Variants in FBXO9 observed in about 807,000 individuals in gnomAD.
The protein encoded by FBXO9 is F-box only protein 9.
Under a neutral mutation model 63.7 loss-of-function variants are expected in FBXO9, and 43 were observed. That is an observed-to-expected ratio of 0.67 (90% CI 0.53 to 0.87). The LOEUF (loss-of-function observed/expected upper bound fraction) is 0.87, where lower values mean the gene tolerates loss of function less well. Ranked by LOEUF, FBXO9 falls within the 40% of genes least tolerant of loss-of-function variation. FBXO9 has a pLI of 0.00. For synonymous variants in FBXO9, 156 were observed against 171.7 expected (o/e 0.91, Z 0.72); for missense variants, 442 against 533.2 (o/e 0.83, Z 1.68).
chr6:53,073,999 A>C (rs911563332), intron 3 of FBXO9, among the ~76,000 whole-genome samples: 1 of 152,190 alleles, frequency 6.6e-6, no homozygotes. Flanking sequence ...TATTAATAGA[A>C]CCAAAAAGAT....
At chr6:53,066,114 C>G in intron 1 of FBXO9, 1 of 1,159,238 alleles carries the variant, frequency 8.6e-7, no homozygotes, top group East Asian at 4.1e-5. Context: ...TCGGTCCTCT[C>G]AAGGGATTTT....
intron 1 of FBXO9, among the ~76,000 whole-genome samples, chr6:53,067,315 TG>T (rs1768741623): frequency 2.0e-5 from 3 of 152,222 alleles, no homozygotes; most frequent in Non-Finnish European, 4.4e-5. Context: ...TTTGACCTTA[TG>T]GTTACAGAGG....
chr6:53,081,202 C>T (rs1395382423), intron 6 of FBXO9, 104 bp downstream of exon 6: 1 of 1,070,854 alleles, frequency 9.3e-7, no homozygotes, highest in African/African-American at 1.6e-5. Flanking sequence ...TGCTTTAGTT[C>T]AGAATATGGT....
intron 4 of FBXO9, among the ~76,000 whole-genome samples, chr6:53,077,507 T>TGTG (rs1769161219): frequency 1.4e-5 from 2 of 144,712 alleles, no homozygotes; most frequent in Admixed American, 1.4e-4. Flanking sequence ...AAAAGAAATA[T>TGTG]GTGGTAATAT....
intron 7 of FBXO9, among the ~76,000 whole-genome samples, chr6:53,088,117 T>C (rs1762946210): frequency 1.3e-5 from 2 of 152,222 alleles, no homozygotes; most frequent in Non-Finnish European, 2.9e-5. Flanking sequence ...CTTGTAACTT[T>C]CTTCACATCT....
chr6:53,069,905 T>A (rs1255315942), intron 1 of FBXO9, among the ~76,000 whole-genome samples: 1 of 152,082 alleles, frequency 6.6e-6, no homozygotes, highest in Non-Finnish European at 1.5e-5. Context: ...TCTCTTTAAG[T>A]GTTTTTCTCA....
intron 10 of FBXO9, 101 bp from the exon 11 acceptor site, chr6:53,093,784 C>G (rs1420600614): frequency 3.0e-6 from 3 of 1,000,122 alleles, no homozygotes; most frequent in East Asian, 5.3e-5. Context: ...CTAGCTGATT[C>G]TTTTCAAGCA....
At chr6:53,095,950 T>C (rs1763197829) in intron 12 of FBXO9, among the ~76,000 whole-genome samples, 1 of 152,234 alleles carries the variant, frequency 6.6e-6, no homozygotes, top group Non-Finnish European at 1.5e-5. Context: ...GGAAGAATGG[T>C]ACTTAGTCAG....
Position 53,097,926 on chromosome 6 carries a change from GTATATATATATATATATATATATATATA to G in FBXO9, c.*118_*145del, listed in dbSNP as rs57607929. On this transcript the variant is annotated 3_prime_UTR_variant, in exon 13 of 13. Transcript: ENST00000323557. ...TAAATGTGTGTGTGTGCGTGTGTGT[GTATATATATATATATATATATATATATA>G]TATATATATATATATATATATGGAA... is the stretch of plus-strand genomic sequence containing the variant. 114 of 88,484 alleles carry G rather than the reference GTATATATATATATATATATATATATATA, an allele frequency of 1.3e-3. 22 individuals are homozygous for G. The highest frequency in any genetic ancestry group is 8.6e-3 in the South Asian group (25 of 2,910). The allele number at this position is 88,484 out of a possible 1,614,324, so 5.5% of individuals were successfully genotyped here. A position where few individuals can be genotyped will look rare whatever the true frequency, so the allele number is the denominator to read the frequency against.
intron 7 of FBXO9, among the ~76,000 whole-genome samples, chr6:53,085,010 G>A (rs150786851): frequency 3.0e-4 from 46 of 152,124 alleles, no homozygotes; most frequent in Non-Finnish European, 6.0e-4. Flanking sequence ...CAAAGCCTTG[G>A]TAATATAACT....
At chr6:53,076,798 TTA>T (rs201016328) in intron 4 of FBXO9, among the ~76,000 whole-genome samples, 727 of 69,104 alleles carry the variant, frequency 0.011, 6 homozygotes, top group South Asian at 0.049. Context: ...TATTTTTTTT[TTA>T]AATTTGTATT....
chr6:53,083,796 C>G (rs975327190), intron 7 of FBXO9, among the ~76,000 whole-genome samples: 1 of 152,188 alleles, frequency 6.6e-6, no homozygotes, highest in Non-Finnish European at 1.5e-5. Context: ...TTTATTTTAA[C>G]AACTTTCACA....
intron 2 of FBXO9, 64 bp downstream of exon 2, chr6:53,071,207 A>G (rs1167374736): frequency 3.1e-5 from 45 of 1,437,880 alleles, no homozygotes; most frequent in Non-Finnish European, 4.3e-5. Context: ...GCAGAAATTG[A>G]TCATAATCAT....
intron 4 of FBXO9, among the ~76,000 whole-genome samples, chr6:53,077,981 T>A (rs926945656): frequency 8.5e-5 from 13 of 152,200 alleles, no homozygotes; most frequent in African/African-American, 2.9e-4. Flanking sequence ...CTAAACTACC[T>A]GTCTAGGAAA....
chr6:53,086,114 G>A (rs185753823), intron 7 of FBXO9, among the ~76,000 whole-genome samples: 14 of 152,048 alleles, frequency 9.2e-5, no homozygotes, highest in Non-Finnish European at 1.5e-4. Context: ...GCACCATTGC[G>A]CTCCAGCCTG....
intron 12 of FBXO9, 51 bp downstream of exon 12, chr6:53,095,715 G>T: frequency 6.8e-7 from 1 of 1,461,506 alleles, no homozygotes; most frequent in African/African-American, 1.4e-5. Context: ...TGTATACTTC[G>T]TATCCAGCTT....
intron 5 of FBXO9, among the ~76,000 whole-genome samples, chr6:53,079,831 C>T (rs1332954840): frequency 6.6e-6 from 1 of 152,060 alleles, no homozygotes; most frequent in African/African-American, 2.4e-5. Flanking sequence ...ATGGTATTAA[C>T]ACTTAAGCTT....
At chr6:53,088,926 GTT>G (rs756720917) in intron 7 of FBXO9, among the ~76,000 whole-genome samples, 6 of 129,100 alleles carry the variant, frequency 4.6e-5, no homozygotes, top group South Asian at 2.5e-4. Context: ...TTCTTTCTTT[GTT>G]TTTTTTTTTT....
intron 7 of FBXO9, among the ~76,000 whole-genome samples, chr6:53,089,082 T>C (rs1762974540): frequency 1.3e-5 from 2 of 150,948 alleles, no homozygotes; most frequent in Non-Finnish European, 3.0e-5. Context: ...TGTTTTTGTT[T>C]TTTTTTTTCC....
Sources: allele counts gnomAD v4.1 joint callset (sites outside exome capture counted in the v4.1 genomes callset), GRCh38; gene constraint gnomAD v4.1.1; transcripts MANE v1.5; gene names NCBI Gene and HGNC (gene_info 2026-07-23, HGNC 2026-07-21).